Variants in KCNH1 observed in about 807,000 individuals in gnomAD.
KCNH1 encodes the protein potassium voltage-gated channel subfamily H member 1.
A neutral mutation model predicts 69.2 loss-of-function variants in KCNH1; 27 were observed. The observed-to-expected ratio is 0.39, with a 90% CI of 0.29 to 0.54. The LOEUF (loss-of-function observed/expected upper bound fraction) is 0.54, where lower values mean the gene tolerates loss of function less well. Ranked by LOEUF, KCNH1 falls within the 20% of genes least tolerant of loss-of-function variation. The pLI, the probability that KCNH1 is intolerant of heterozygous loss-of-function variation, is 0.68. For synonymous variants in KCNH1, 456 were observed against 487.7 expected, an observed-to-expected ratio of 0.93 and a Z score of 0.86; for missense variants, 798 against 1,261.6, an observed-to-expected ratio of 0.63 and a Z score of 5.57.
intron 7 of KCNH1, among the ~76,000 whole-genome samples, chr1:210,918,593 A>C (rs982574571): frequency 6.6e-6 from 1 of 152,240 alleles, no homozygotes; most frequent in Admixed American, 6.5e-5. Context: ...TACAACAGTC[A>C]GTGGGTAAAT....
chr1:211,042,641 T>C (rs564203411), intron 5 of KCNH1, among the ~76,000 whole-genome samples: 337 of 152,278 alleles, frequency 2.2e-3, no homozygotes, highest in African/African-American at 7.6e-3. Context: ...TTACAGAACA[T>C]TCTACCCAAC....
intron 7 of KCNH1, among the ~76,000 whole-genome samples, chr1:210,917,632 T>C (rs539638222): frequency 6.6e-6 from 1 of 152,332 alleles, no homozygotes; most frequent in Admixed American, 6.5e-5. Flanking sequence ...ATTTTCTAAA[T>C]GATCACTCTT....
intron 3 of KCNH1, among the ~76,000 whole-genome samples, chr1:211,098,666 T>G (rs1474933772): frequency 6.6e-6 from 1 of 152,008 alleles, no homozygotes; most frequent in East Asian, 1.9e-4. Flanking sequence ...CTTGTAAAAA[T>G]GAGTGGGAAA....
chr1:211,035,614 C>A (rs191310182), intron 5 of KCNH1, among the ~76,000 whole-genome samples: 18 of 152,108 alleles, frequency 1.2e-4, no homozygotes, highest in Non-Finnish European at 1.9e-4. Flanking sequence ...ATATAAAAGG[C>A]TATGAGTGAT....
At chr1:210,752,371 C>T (rs938581111) in intron 10 of KCNH1, among the ~76,000 whole-genome samples, 1 of 152,196 alleles carries the variant, frequency 6.6e-6, no homozygotes, top group African/African-American at 2.4e-5. Flanking sequence ...AATCTCTTTC[C>T]TGAGATCCTG....
rs1455083021 is a variant in KCNH1 at position 211,133,515 on chromosome 1, G to C, written c.79+352C>G. On this transcript the variant is annotated intron_variant, in intron 1 of 10. Transcript: ENST00000271751. The surrounding 1 kb of genome is among the most constrained non-coding windows in gnomAD (Gnocchi z 5.4). Reference sequence around the variant, plus strand: ...CAGAGCCTTCGCGGAAGGGTGGGCAGTGCCGATGGGGCGCGCGCTGCCGCT... The same window carrying C: ...CAGAGCCTTCGCGGAAGGGTGGGCACTGCCGATGGGGCGCGCGCTGCCGCT... 1 of 170,444 alleles carries C rather than the reference G, an allele frequency of 5.9e-6. No individual in the cohort carries two copies. The highest frequency in any genetic ancestry group is 1.2e-5 in the Non-Finnish European group (1 of 80,194). 10.6% of individuals were successfully genotyped at this position (170,444 alleles called of 1,614,324 possible).
chr1:210,906,656 C>T lies in KCNH1; in HGVS notation c.1462+12984G>A, dbSNP rs141431916. On this transcript the variant is annotated intron_variant, in intron 7 of 10. Transcript: ENST00000271751. ...CCAAATGGCCTGTCCATAATAAAGT[C>T]GGGGGTTTATGAGCTACATGTGTCA... is the stretch of plus-strand genomic sequence containing the variant. Among the ~76,000 whole-genome samples the T allele has an allele frequency of 2.1e-4, 32 of 152,286 alleles. No homozygotes were observed. In the South Asian group the frequency reaches 5.8e-3, roughly 28 times the overall value.
At chr1:211,053,486 G>T (rs1690245510) in intron 5 of KCNH1, among the ~76,000 whole-genome samples, 1 of 152,178 alleles carries the variant, frequency 6.6e-6, no homozygotes. Context: ...GAGCTGCCCT[G>T]ATGGAGAAAC....
At chr1:210,886,940 C>T (rs554535613) in intron 7 of KCNH1, among the ~76,000 whole-genome samples, 4 of 152,116 alleles carry the variant, frequency 2.6e-5, no homozygotes, top group African/African-American at 9.6e-5. Context: ...CTGAAATTGA[C>T]GGAGAGAATG....
chr1:210,709,203 T>C (rs2149015777), intron 10 of KCNH1, among the ~76,000 whole-genome samples: 1 of 152,296 alleles, frequency 6.6e-6, no homozygotes, highest in East Asian at 1.9e-4. Context: ...GAGCTGAGAT[T>C]GTACCACTGC....
chr1:211,029,358 AGGTTGGGGTACATTTC>A, intron 5 of KCNH1, among the ~76,000 whole-genome samples: 1 of 147,284 alleles, frequency 6.8e-6, no homozygotes, highest in Middle Eastern at 3.5e-3. Flanking sequence ...AAAAAAAAAA[AGGTTGGGGTACATTTC>A]AAGAGTGCAA....
intron 6 of KCNH1, among the ~76,000 whole-genome samples, chr1:210,933,395 G>A (rs1030284763): frequency 5.3e-5 from 8 of 151,974 alleles, no homozygotes; most frequent in South Asian, 2.1e-4. Flanking sequence ...GATAGCTTTC[G>A]GAGATATATC....
intron 10 of KCNH1, among the ~76,000 whole-genome samples, chr1:210,764,276 A>G (rs539941014): frequency 6.6e-6 from 1 of 152,254 alleles, no homozygotes; most frequent in East Asian, 1.9e-4. Context: ...CTAGAAGAAA[A>G]CCTAGAAAAC....
At chr1:210,981,422 T>C (rs1198050569) in intron 6 of KCNH1, among the ~76,000 whole-genome samples, 1 of 147,148 alleles carries the variant, frequency 6.8e-6, no homozygotes, top group East Asian at 2.0e-4. Flanking sequence ...CATGGCTATA[T>C]GAAGAAAATT....
intron 6 of KCNH1, among the ~76,000 whole-genome samples, chr1:210,961,562 C>T (rs114875220): frequency 0.012 from 1,879 of 152,166 alleles, 45 homozygotes; most frequent in African/African-American, 0.043. Flanking sequence ...TTATAGAGCC[C>T]GGGCACAGTG....
At position 210,817,380 on chromosome 1, in the gene KCNH1, A is replaced by G. The variant is rs530998559; in HGVS notation, c.1463-13214T>C. On this transcript the variant is annotated intron_variant, in intron 7 of 10. Coordinates refer to ENST00000271751, the MANE Select transcript of KCNH1 (RefSeq NM_172362.3). Reference sequence around the variant, plus strand: ...AATAAATGAATAATAACAACAACTGATGCTTATATAGCTCTTATCATGTAT... The same window carrying G: ...AATAAATGAATAATAACAACAACTGGTGCTTATATAGCTCTTATCATGTAT... Among the ~76,000 whole-genome samples, 8 of 152,320 alleles carry G rather than the reference A, an allele frequency of 5.3e-5. No homozygotes were observed. In the South Asian group the frequency reaches 1.7e-3, roughly 32 times the overall value.
chr1:211,128,971 C>T lies in KCNH1; in HGVS notation c.79+4896G>A, dbSNP rs115509325. 4.8e-3 allele frequency among the ~76,000 whole-genome samples: 736 copies of T among 152,196 alleles called. 5 individuals carry two copies. The highest frequency in any genetic ancestry group is 0.017 in the African/African-American group (689 of 41,506). On this transcript the variant is annotated intron_variant, in intron 1 of 10. Transcript: ENST00000271751. Reference sequence around the variant, plus strand: ...TTGCTTACAAATAGAATATTCCTCACGAGAAAGTGAGGGTCCCATCACTGA... The same window carrying T: ...TTGCTTACAAATAGAATATTCCTCATGAGAAAGTGAGGGTCCCATCACTGA...
At chr1:210,996,798 C>A (rs1049623759) in intron 6 of KCNH1, among the ~76,000 whole-genome samples, 7 of 152,334 alleles carry the variant, frequency 4.6e-5, no homozygotes, top group East Asian at 1.9e-4. Context: ...CCCAGAGGAA[C>A]GATCAGGCAG....
At chr1:210,782,581 C>T (rs573045877) in intron 9 of KCNH1, among the ~76,000 whole-genome samples, 8 of 152,124 alleles carry the variant, frequency 5.3e-5, no homozygotes, top group East Asian at 1.9e-4. Flanking sequence ...CAAAAATTAG[C>T]GGGGTGTGGT....
Sources: gnomAD v4.1 joint callset for allele counts (sites outside exome capture counted in the v4.1 genomes callset) on GRCh38, gnomAD v4.1.1 for gene constraint, Gnocchi (gnomAD v3.1) non-coding constraint, MANE v1.5 for transcripts, NCBI Gene and HGNC (gene_info 2026-07-23, HGNC 2026-07-21) for gene names.